The following RPRD2 variants were observed in gnomAD, a reference collection of about 807,000 sequenced individuals.
The protein encoded by RPRD2 is regulation of nuclear pre-mRNA domain containing 2.
RPRD2 carries 12 observed loss-of-function variants against 104.4 expected under a neutral mutation model. That is an observed-to-expected ratio of 0.11 (90% CI 0.07 to 0.19). The LOEUF (loss-of-function observed/expected upper bound fraction) is 0.19, where lower values mean the gene tolerates loss of function less well. Among genes scored for constraint, RPRD2 ranks in the 10% least tolerant of loss-of-function variants. The pLI, the probability that RPRD2 is intolerant of heterozygous loss-of-function variation, is 1.00. For missense variants in RPRD2, 1,543 were observed against 1,790.1 expected (o/e 0.86, Z 2.49); for synonymous variants, 714 against 684.9 (o/e 1.04, Z -0.66).
intron 1 of RPRD2, among the ~76,000 whole-genome samples, chr1:150,380,871 G>A (rs587725370): frequency 1.3e-5 from 2 of 151,904 alleles, no homozygotes; most frequent in African/African-American, 4.8e-5. Flanking sequence ...TGGCCAGGAT[G>A]GTCTCTATCT....
intron 1 of RPRD2, among the ~76,000 whole-genome samples, chr1:150,370,897 T>G (rs1016295354): frequency 1.3e-5 from 2 of 152,096 alleles, no homozygotes; most frequent in Non-Finnish European, 2.9e-5. Flanking sequence ...CATAGAAACT[T>G]TATGTATAAA....
In RPRD2 at chr1:150,367,309, C is replaced by T. The variant is rs1659913737; in HGVS notation, c.205+2390C>T. Among the ~76,000 whole-genome samples, 3 of 152,248 alleles carry T rather than the reference C, an allele frequency of 2.0e-5. No individual in the cohort carries two copies. In the South Asian group the frequency reaches 6.2e-4, roughly 32 times the overall value. On this transcript the variant is annotated intron_variant, in intron 1 of 10. Coordinates refer to ENST00000369068, the MANE Select transcript of RPRD2 (RefSeq NM_015203.5). ...GCAATGAAAACAGTTTATGCATGGGCCTTGTTTTCATTTAAGTTCTTATTT... is the reference window on the plus strand; with the variant it reads ...GCAATGAAAACAGTTTATGCATGGGTCTTGTTTTCATTTAAGTTCTTATTT...
chr1:150,425,442 G>C (rs1219331317), intron 2 of RPRD2, among the ~76,000 whole-genome samples: 1 of 152,024 alleles, frequency 6.6e-6, no homozygotes, highest in Non-Finnish European at 1.5e-5. Context: ...TCAGGAGTTT[G>C]AGACCAGCCT....
intron 10 of RPRD2, among the ~76,000 whole-genome samples, chr1:150,466,686 T>C (rs1553900120): frequency 6.6e-6 from 1 of 152,178 alleles, no homozygotes; most frequent in East Asian, 1.9e-4. Context: ...CTACCTATAA[T>C]CTCTCTCATT....
intron 10 of RPRD2, among the ~76,000 whole-genome samples, chr1:150,465,404 C>T (rs1461268573): frequency 6.6e-6 from 1 of 152,246 alleles, no homozygotes; most frequent in Non-Finnish European, 1.5e-5. Context: ...AGGCGTGAGC[C>T]ACTGCGCCCC....
chr1:150,431,048 T>C (rs1665532173), intron 2 of RPRD2, among the ~76,000 whole-genome samples: 2 of 152,310 alleles, frequency 1.3e-5, no homozygotes, highest in African/African-American at 4.8e-5. Context: ...ACCTAGTTAT[T>C]GTAATGAAAT....
At chr1:150,385,473 TTAAA>T (rs1234129267) in intron 1 of RPRD2, among the ~76,000 whole-genome samples, 3 of 152,294 alleles carry the variant, frequency 2.0e-5, no homozygotes, top group South Asian at 2.1e-4. Flanking sequence ...GATCCTGCCT[TTAAA>T]TAAATAAATA....
intron 8 of RPRD2, 22 bp from the exon 9 acceptor site, chr1:150,460,038 T>C (rs369254203): frequency 1.1e-5 from 18 of 1,610,476 alleles, no homozygotes; most frequent in Middle Eastern, 1.6e-4. Context: ...GGATGTAATA[T>C]CTCTTTTCTT....
chr1:150,370,572 CTTTT>C (rs11288735), intron 1 of RPRD2, among the ~76,000 whole-genome samples: 2 of 109,718 alleles, frequency 1.8e-5, no homozygotes, highest in African/African-American at 3.6e-5. Flanking sequence ...TCCATTTTGT[CTTTT>C]TTTTTTTTTT....
chr1:150,418,229 A>G (rs1029438997), intron 2 of RPRD2, among the ~76,000 whole-genome samples: 1 of 151,942 alleles, frequency 6.6e-6, no homozygotes, highest in Non-Finnish European at 1.5e-5. Context: ...AGCCTCCCAA[A>G]GTGCTGGGAT....
chr1:150,373,929 T>C (rs587752553), intron 1 of RPRD2, among the ~76,000 whole-genome samples: 8 of 152,272 alleles, frequency 5.3e-5, no homozygotes, highest in South Asian at 2.1e-4. Context: ...TATGGTATTA[T>C]GAAATCTCTA....
intron 1 of RPRD2, among the ~76,000 whole-genome samples, chr1:150,405,248 C>A (rs926423331): frequency 1.3e-5 from 2 of 152,032 alleles, no homozygotes; most frequent in Non-Finnish European, 2.9e-5. Flanking sequence ...GGATTGATAC[C>A]TTATGAATGT....
intron 1 of RPRD2, among the ~76,000 whole-genome samples, chr1:150,373,655 T>C (rs1553878919): frequency 6.7e-6 from 1 of 148,356 alleles, no homozygotes; most frequent in Admixed American, 6.8e-5. Context: ...TAGTTTTGGA[T>C]GTGTTAGGTT....
intron 8 of RPRD2, among the ~76,000 whole-genome samples, chr1:150,458,802 C>A (rs964705080): frequency 3.9e-5 from 6 of 152,012 alleles, no homozygotes; most frequent in African/African-American, 1.4e-4. Context: ...TACCACCACA[C>A]CCGGCTATTT....
At chr1:150,432,175 TAAAAA>T (rs59749202) in intron 2 of RPRD2, among the ~76,000 whole-genome samples, 4 of 131,178 alleles carry the variant, frequency 3.0e-5, no homozygotes, top group Non-Finnish European at 4.8e-5. Context: ...CCCTAAATCT[TAAAAA>T]AAAAAAAAAA....
intron 1 of RPRD2, among the ~76,000 whole-genome samples, chr1:150,376,496 A>G (rs1417016794): frequency 2.0e-5 from 3 of 150,072 alleles, no homozygotes; most frequent in Non-Finnish European, 4.4e-5. Flanking sequence ...GTAGCATGAT[A>G]CAGTCTTTTT....
At chr1:150,447,802 C>T (rs782671198) in intron 7 of RPRD2, among the ~76,000 whole-genome samples, 9 of 152,168 alleles carry the variant, frequency 5.9e-5, no homozygotes, top group East Asian at 1.9e-4. Context: ...AGTCCTACTT[C>T]GTAGAAGCAA....
chr1:150,460,034 A>G, intron 8 of RPRD2, 26 bp from the exon 9 acceptor site: 1 of 1,609,182 alleles, frequency 6.2e-7, no homozygotes. Flanking sequence ...AGTAGGATGT[A>G]ATATCTCTTT....
Position 150,473,116 on chromosome 1 carries a change from G to A in RPRD2, c.4168G>A (p.Gly1390Ser), listed in dbSNP as rs762691052. 4 of 1,613,852 alleles carry A rather than the reference G, an allele frequency of 2.5e-6. No individual in the cohort carries two copies. The Admixed American group carries it at 6.7e-5, about 27-fold the overall frequency. ...GPPHGGGGGG[G>S]SNSSSGPPLG... is the part of the protein sequence containing the mutation. ...ACCCCATGGAGGAGGAGGTGGGGGA[G>A]GCAGCAACAGCAGCAGTGGCCCCCC... Residue 1390 changes from glycine (G) to serine (S), a missense_variant, in exon 11 of 11, where the codon GGC becomes AGC. This residue lies in a region of RPRD2 where 880 missense variants were observed against 885.6 expected (regional missense o/e 0.99). Transcript: ENST00000369068.
Sources: allele counts gnomAD v4.1 joint callset (sites outside exome capture counted in the v4.1 genomes callset), GRCh38; gene constraint gnomAD v4.1.1; regional missense constraint gnomAD v4.1.1; transcripts MANE v1.5; gene names NCBI Gene and HGNC (gene_info 2026-07-23, HGNC 2026-07-21).